CLRN3: variants seen among roughly 807,000 people sequenced by gnomAD.
The protein encoded by CLRN3 is clarin-3.
Under a neutral mutation model 16.7 loss-of-function variants are expected in CLRN3, and 12 were observed. That is an observed-to-expected ratio of 0.72 (90% CI 0.46 to 1.16). The LOEUF (loss-of-function observed/expected upper bound fraction) is 1.16, where lower values mean the gene tolerates loss of function less well. Among genes scored for constraint, CLRN3 ranks in the 50% most tolerant of loss-of-function variants. CLRN3 has a pLI of 0.00. For synonymous variants in CLRN3, 118 were observed against 113.0 expected, an observed-to-expected ratio of 1.04 and a Z score of -0.28; for missense variants, 296 against 274.2, an observed-to-expected ratio of 1.08 and a Z score of -0.56.
chr10:127,883,303 T>C (rs1845151898), intron 2 of CLRN3, among the ~76,000 whole-genome samples: 1 of 151,956 alleles, frequency 6.6e-6, no homozygotes, highest in Non-Finnish European at 1.5e-5. Flanking sequence ...CATGTGTGTG[T>C]GCATGCGTGT....
rs1845159301 is a variant in CLRN3, at chr10:127,883,777, A to T, written c.328T>A (p.Phe110Ile). 1.2e-6 allele frequency: 2 copies of T among 1,613,936 alleles called. No individual in the cohort carries two copies. The highest frequency in any genetic ancestry group is 1.1e-5 in the South Asian group (1 of 91,058). ...SLITSLLSSG[F>I]TFYNSISNPY... ...TTGCTGATGCTGTTGTAGAAGGTAA[A>T]CCCAGAGCTCAGCAGCGACGTGATC... Residue 110 changes from phenylalanine (F) to isoleucine (I), a missense_variant, in exon 2 of 3, where the codon TTT (phenylalanine) becomes ATT (isoleucine). Coordinates refer to ENST00000368671, the MANE Select transcript of CLRN3 (RefSeq NM_152311.5).
chr10:127,892,529 A>G (rs1348911973), intron 1 of CLRN3, 27 bp downstream of exon 1: 1 of 1,112,476 alleles, frequency 9.0e-7, no homozygotes, highest in South Asian at 1.2e-5. Flanking sequence ...ATCTCACTAT[A>G]TTCATTCAAA....
At chr10:127,889,078 G>A (rs910307489) in intron 1 of CLRN3, among the ~76,000 whole-genome samples, 3 of 152,216 alleles carry the variant, frequency 2.0e-5, no homozygotes, top group African/African-American at 7.2e-5. Context: ...TTGGAACTGA[G>A]AACAAAGAGT....
chr10:127,881,567 C>T lies in CLRN3; in HGVS notation c.409+2129G>A, dbSNP rs572510483. ...AGGCTTCCTTCCCCACTCACCCCTG[C>T]GGCTGGGGAAGGGCCGATTCCAGCC... On this transcript the variant is annotated intron_variant, in intron 2 of 2. Coordinates refer to ENST00000368671, the MANE Select transcript of CLRN3 (RefSeq NM_152311.5). Among the ~76,000 whole-genome samples, 394 of 152,286 alleles carry T rather than the reference C, an allele frequency of 2.6e-3. 1 individual carries two copies. Among genetic ancestry groups the T allele is most frequent in the Non-Finnish European group, 4.5e-3 (306 of 68,016 alleles).
chr10:127,878,738 T>C (rs1391778198), intron 2 of CLRN3, among the ~76,000 whole-genome samples: 1 of 152,206 alleles, frequency 6.6e-6, no homozygotes, highest in African/African-American at 2.4e-5. Flanking sequence ...AATGAATGAT[T>C]GACTAGGACA....
At chr10:127,886,237 G>A (rs978843470) in intron 1 of CLRN3, among the ~76,000 whole-genome samples, 4 of 152,218 alleles carry the variant, frequency 2.6e-5, no homozygotes, top group South Asian at 2.1e-4. Flanking sequence ...ACAGGAGGAC[G>A]TCATCACTCC....
rs911133241 is a variant in CLRN3 at position 127,885,368 on chromosome 10, A to G, written c.230-1493T>C. ...ATCTGCATCTCCACGACTTAAACCC[A>G]GGGGTCCTAATTCTCCTTTGGGAAT... On this transcript the variant is annotated intron_variant, in intron 1 of 2. Coordinates refer to ENST00000368671, the MANE Select transcript of CLRN3 (RefSeq NM_152311.5). Among the ~76,000 whole-genome samples the G allele has an allele frequency of 2.6e-5, 4 of 152,124 alleles. No individual in the cohort carries two copies. The South Asian group carries it at 8.3e-4, about 32-fold the overall frequency.
chr10:127,878,922 G>A (rs1255914680), intron 2 of CLRN3, among the ~76,000 whole-genome samples: 7 of 152,116 alleles, frequency 4.6e-5, no homozygotes, highest in African/African-American at 1.7e-4. Flanking sequence ...TAAGAACTGG[G>A]TACGGAGACT....
At chr10:127,880,529 C>G (rs548526908) in intron 2 of CLRN3, among the ~76,000 whole-genome samples, 2 of 152,288 alleles carry the variant, frequency 1.3e-5, no homozygotes, top group South Asian at 4.1e-4. Context: ...CTGAGTTCCT[C>G]AGATGAGACA....
chr10:127,891,176 C>T (rs1286643481), intron 1 of CLRN3, among the ~76,000 whole-genome samples: 1 of 152,228 alleles, frequency 6.6e-6, no homozygotes, highest in Non-Finnish European at 1.5e-5. Flanking sequence ...CCTGACATCA[C>T]CATGCTCACC....
intron 1 of CLRN3, among the ~76,000 whole-genome samples, chr10:127,885,808 C>G (rs766912262): frequency 6.6e-6 from 1 of 151,420 alleles, no homozygotes; most frequent in African/African-American, 2.4e-5. Context: ...CAGGCTGGAG[C>G]GCAATGGTGC....
chr10:127,881,013 C>T (rs1349108504), intron 2 of CLRN3, among the ~76,000 whole-genome samples: 1 of 152,112 alleles, frequency 6.6e-6, no homozygotes, highest in Non-Finnish European at 1.5e-5. Context: ...ATCAGGAACC[C>T]CCAAAGGGCT....
chr10:127,884,012 C>A (rs2135080693), intron 1 of CLRN3, 137 bp from the exon 2 acceptor site: 2 of 780,194 alleles, frequency 2.6e-6, no homozygotes, highest in Non-Finnish European at 2.2e-6. Context: ...GAGCCTCCAA[C>A]CCATGCAAGA....
chr10:127,878,108 A>T lies in CLRN3; in HGVS notation c.*41T>A. The T allele has an allele frequency of 6.2e-7, 1 of 1,601,284 alleles. No homozygotes were observed. The highest frequency in any genetic ancestry group is 8.5e-7 in the Non-Finnish European group (1 of 1,170,942). On this transcript the variant is annotated 3_prime_UTR_variant, in exon 3 of 3. Coordinates refer to ENST00000368671, the MANE Select transcript of CLRN3 (RefSeq NM_152311.5). ...GCTAACCAGTTACTACTCAGGGCTG[A>T]TGTACAATAGATGCAACGCCAAAAT...
In CLRN3 at chr10:127,879,331, A is replaced by T. The variant is rs183123292; in HGVS notation, c.410-911T>A. Among the ~76,000 whole-genome samples, 138 of 152,128 alleles carry T rather than the reference A, an allele frequency of 9.1e-4. 1 individual carries two copies. The highest frequency in any genetic ancestry group is 3.4e-3 in the Middle Eastern group (1 of 294). On this transcript the variant is annotated intron_variant, in intron 2 of 2. Coordinates refer to ENST00000368671, the MANE Select transcript of CLRN3 (RefSeq NM_152311.5). ...GCCCAGGCTAGTCTCGAACTCCTGGACTCAAGTGATCCACCTGCCTCGGCC... is the reference window on the plus strand; with the variant it reads ...GCCCAGGCTAGTCTCGAACTCCTGGTCTCAAGTGATCCACCTGCCTCGGCC...
At chr10:127,885,267 G>A (rs1845180169) in intron 1 of CLRN3, among the ~76,000 whole-genome samples, 1 of 152,014 alleles carries the variant, frequency 6.6e-6, no homozygotes, top group East Asian at 1.9e-4. Flanking sequence ...CCATGGGAGG[G>A]GTCACCAAGT....
At chr10:127,886,280 ATTG>A (rs1225890701) in intron 1 of CLRN3, among the ~76,000 whole-genome samples, 3 of 152,122 alleles carry the variant, frequency 2.0e-5, no homozygotes, top group African/African-American at 2.4e-5. Context: ...TTTGTTCACT[ATTG>A]TTTTCTTTTT....
At chr10:127,889,492 T>C (rs1369149485) in intron 1 of CLRN3, among the ~76,000 whole-genome samples, 3 of 151,956 alleles carry the variant, frequency 2.0e-5, no homozygotes, top group Non-Finnish European at 4.4e-5. Context: ...GGTGTTGTAG[T>C]GTATTCCTGT....
chr10:127,888,129 T>C (rs546543063), intron 1 of CLRN3, among the ~76,000 whole-genome samples: 2 of 152,246 alleles, frequency 1.3e-5, no homozygotes, highest in South Asian at 4.1e-4. Flanking sequence ...GCTTTGTGAG[T>C]GGATGGGTGG....
Sources: allele counts gnomAD v4.1 joint callset (sites outside exome capture counted in the v4.1 genomes callset), GRCh38; gene constraint gnomAD v4.1.1; transcripts MANE v1.5; gene names NCBI Gene and HGNC (gene_info 2026-07-23, HGNC 2026-07-21).